The following ZNF627 variants were observed in gnomAD, a reference collection of about 807,000 sequenced individuals.
ZNF627 encodes zinc finger protein 627.
A neutral mutation model predicts 10.6 loss-of-function variants in ZNF627; 12 were observed. The ratio of observed to expected loss-of-function variants is 1.13; its 90% confidence interval spans 0.73 to 1.84. The LOEUF (loss-of-function observed/expected upper bound fraction) is 1.84, where lower values mean the gene tolerates loss of function less well. ZNF627 is among the 40% of genes most tolerant of loss of function. ZNF627 has a pLI of 0.00. For synonymous variants in ZNF627, 176 were observed against 187.1 expected (o/e 0.94, Z 0.48); for missense variants, 504 against 568.4 (o/e 0.89, Z 1.15).
Position 11,599,237 on chromosome 19 carries a change from G to A in ZNF627, c.3+1607G>A, listed in dbSNP as rs79634135. Among the ~76,000 whole-genome samples the A allele has an allele frequency of 4.7e-3, 716 of 152,164 alleles. 3 individuals carry two copies. Among genetic ancestry groups the A allele is most frequent in the Middle Eastern group, 0.014 (4 of 294 alleles). Reference sequence around the variant, plus strand: ...TACGGGGTGGGGCCTCTTAGTGGAGGAGCTGGGTGTCCTGGGGTCGGAGGA... The same window carrying A: ...TACGGGGTGGGGCCTCTTAGTGGAGAAGCTGGGTGTCCTGGGGTCGGAGGA... On this transcript the variant is annotated intron_variant, in intron 1 of 3. Coordinates refer to ENST00000361113, the MANE Select transcript of ZNF627 (RefSeq NM_145295.4).
At chr19:11,607,079 G>A (rs116651609) in intron 1 of ZNF627, among the ~76,000 whole-genome samples, 2,244 of 152,206 alleles carry the variant, frequency 0.015, 35 homozygotes, top group Middle Eastern at 0.048. Flanking sequence ...TTGGCTTCTC[G>A]TTACTCACAA....
At chr19:11,611,360 C>G (rs1344170481) in intron 1 of ZNF627, among the ~76,000 whole-genome samples, 1 of 152,182 alleles carries the variant, frequency 6.6e-6, no homozygotes, top group African/African-American at 2.4e-5. Context: ...AGGTCTTGCT[C>G]TGTTGCCTAG....
At chr19:11,605,141 T>TG (rs1973653289) in intron 1 of ZNF627, among the ~76,000 whole-genome samples, 1 of 142,346 alleles carries the variant, frequency 7.0e-6, no homozygotes, top group African/African-American at 2.6e-5. Flanking sequence ...TGGAGTGCAG[T>TG]GGTGCGATCA....
chr19:11,597,642 G>C lies in ZNF627; in HGVS notation c.3+12G>C. 1 of 1,336,700 alleles carries C rather than the reference G, an allele frequency of 7.5e-7. No individual in the cohort carries two copies. 82.8% of individuals were successfully genotyped at this position (1,336,700 alleles called of 1,614,324 possible). ...GAAGCCGAGAAATGGTGCGTGTGAG[G>C]GGTCAGGCGTCCCCAGACCTGGGGG... On this transcript the variant is annotated intron_variant, in intron 1 of 3. Transcript: ENST00000361113.
intron 1 of ZNF627, among the ~76,000 whole-genome samples, chr19:11,609,981 C>T (rs1184921806): frequency 6.6e-6 from 1 of 151,570 alleles, no homozygotes; most frequent in Non-Finnish European, 1.5e-5. Flanking sequence ...TCAATTTTTT[C>T]CCATTGATGA....
chr19:11,600,854 AC>A (rs1035490288), intron 1 of ZNF627, among the ~76,000 whole-genome samples: 3 of 152,184 alleles, frequency 2.0e-5, no homozygotes, highest in African/African-American at 7.2e-5. Flanking sequence ...AGAATAAATA[AC>A]ATGTTTATTG....
chr19:11,615,497 G>A (rs1352803303), intron 3 of ZNF627, among the ~76,000 whole-genome samples: 10 of 148,412 alleles, frequency 6.7e-5, no homozygotes, highest in Non-Finnish European at 1.3e-4. Context: ...CCAGCTACTC[G>A]GGAGGCTGAG....
chr19:11,617,037 T>A lies in ZNF627; in HGVS notation c.534T>A (p.Ser178=). 6.2e-7 allele frequency: 1 copy of A among 1,614,066 alleles called. No homozygotes were observed. Among genetic ancestry groups the A allele is most frequent in the South Asian group, 1.1e-5 (1 of 91,082 alleles). Residue 178 remains serine (S), a synonymous_variant, in exon 4 of 4, where the codon TCT becomes TCA. Coordinates refer to ENST00000361113, the MANE Select transcript of ZNF627 (RefSeq NM_145295.4). ...AGGAATGTGGAGAAACCTTTATTTC[T>A]CTTGTAAGCATTCGAAGACACATGT... ...DCKECGETFI[S]LVSIRRHMLT...
chr19:11,614,691 G>T (rs1346858973), intron 2 of ZNF627, 38 bp downstream of exon 2: 1 of 1,613,358 alleles, frequency 6.2e-7, no homozygotes, highest in Non-Finnish European at 8.5e-7. Context: ...GTGAATTAGA[G>T]AACAAGTGTT....
At chr19:11,616,372 A>ATGG (rs1361904918) in intron 3 of ZNF627, among the ~76,000 whole-genome samples, 4 of 152,114 alleles carry the variant, frequency 2.6e-5, no homozygotes, top group African/African-American at 7.2e-5. Flanking sequence ...GATAATAGGT[A>ATGG]TGGTTGTGAC....
At chr19:11,613,645 C>T (rs757906682) in intron 1 of ZNF627, among the ~76,000 whole-genome samples, 16 of 152,178 alleles carry the variant, frequency 1.1e-4, no homozygotes, top group Middle Eastern at 3.4e-3. Flanking sequence ...CGTGAGCCAC[C>T]GTGCCCAGCC....
chr19:11,604,007 TATG>T (rs1973632716), intron 1 of ZNF627, among the ~76,000 whole-genome samples: 1 of 151,356 alleles, frequency 6.6e-6, no homozygotes, highest in South Asian at 2.1e-4. Flanking sequence ...GGGGTCTCAC[TATG>T]TTGTCCAGGC....
intron 1 of ZNF627, among the ~76,000 whole-genome samples, chr19:11,601,627 G>C (rs1449849107): frequency 6.6e-6 from 1 of 152,106 alleles, no homozygotes; most frequent in African/African-American, 2.4e-5. Context: ...GGATTATGGG[G>C]GTGGGGCGGG....
Position 11,616,833 on chromosome 19 carries a change from C to T in ZNF627, c.330C>T (p.Gly110=), listed in dbSNP as rs1158566125. 6.2e-6 allele frequency: 10 copies of T among 1,613,894 alleles called. No individual in the cohort carries two copies. The highest frequency in any genetic ancestry group is 8.5e-6 in the Non-Finnish European group (10 of 1,179,992). The change falls in exon 4 of 4, where the codon GGC becomes GGT. Residue 110 remains glycine, a synonymous_variant. Transcript: ENST00000361113. Reference sequence around the variant, plus strand: ...AAAGCAGTGTGTGTGGAGAAGTTGGCATGGGTCCTTCATCACTTAATAGGC... The same window carrying T: ...AAAGCAGTGTGTGTGGAGAAGTTGGTATGGGTCCTTCATCACTTAATAGGC... ...PCESSVCGEV[G]MGPSSLNRHI... is the part of the protein sequence containing the mutation.
intron 3 of ZNF627, among the ~76,000 whole-genome samples, chr19:11,616,041 CTTT>C (rs142246721): frequency 1.6e-5 from 2 of 123,040 alleles, no homozygotes. Context: ...TTCTTTCTTT[CTTT>C]TTTTTTTTTT....
intron 1 of ZNF627, among the ~76,000 whole-genome samples, chr19:11,599,689 T>G (rs1399562289): frequency 6.6e-6 from 1 of 151,798 alleles, no homozygotes; most frequent in African/African-American, 2.4e-5. Context: ...GCGGATCACT[T>G]GAGGCCATGA....
At chr19:11,599,447 T>G (rs2073032237) in intron 1 of ZNF627, among the ~76,000 whole-genome samples, 1 of 152,118 alleles carries the variant, frequency 6.6e-6, no homozygotes, top group Non-Finnish European at 1.5e-5. Context: ...GTGAGAAAAC[T>G]TATCCCAAGG....
chr19:11,609,712 GT>G (rs1973740526), intron 1 of ZNF627, among the ~76,000 whole-genome samples: 1 of 151,680 alleles, frequency 6.6e-6, no homozygotes, highest in African/African-American at 2.4e-5. Context: ...TAGAGACGGG[GT>G]TTCACCATGT....
intron 3 of ZNF627, among the ~76,000 whole-genome samples, chr19:11,615,944 C>A (rs984480017): frequency 1.3e-5 from 2 of 151,326 alleles, no homozygotes; most frequent in Non-Finnish European, 2.9e-5. Context: ...GTCTTGAACT[C>A]CTGACCTCAG....
Sources: allele counts gnomAD v4.1 joint callset (sites outside exome capture counted in the v4.1 genomes callset), GRCh38; gene constraint gnomAD v4.1.1; transcripts MANE v1.5; gene names NCBI Gene and HGNC (gene_info 2026-07-23, HGNC 2026-07-21).